Variants in ADGRB1 observed in about 807,000 individuals in gnomAD.
The protein encoded by ADGRB1 is brain-specific angiogenesis inhibitor 1.
Under a neutral mutation model 175.7 loss-of-function variants are expected in ADGRB1, and 36 were observed. The observed-to-expected ratio is 0.20, with a 90% CI of 0.16 to 0.27. The LOEUF (loss-of-function observed/expected upper bound fraction) is 0.27. ADGRB1 is among the 10% of genes least tolerant of loss of function. The pLI is 1.00. For missense variants in ADGRB1, 1,731 were observed against 2,255.3 expected (o/e 0.77, Z 4.71); for synonymous variants, 1,054 against 979.4 (o/e 1.08, Z -1.42).
Position 142,510,945 on chromosome 8 carries a change from G to A in ADGRB1, c.2689G>A (p.Ala897Thr). ...GCCCGCCCCCAGACCCTCCTCCTCC[G>A]CCCCCCCGCAGCTCGGGCCCTGGTC... ...WDETDVPSSS[A>T]PPQLGPWSWR... The change falls in exon 18 of 31, where the codon GCC becomes ACC. Residue 897 changes from alanine (A) to threonine (T), a missense_variant. Ala to Thr is a moderately conservative substitution (Grantham distance 58). This residue lies in a region of ADGRB1 where 77 missense variants were observed against 71.6 expected (regional missense o/e 1.08). Coordinates refer to ENST00000517894, the MANE Select transcript of ADGRB1 (RefSeq NM_001702.3). The surrounding 1 kb of genome is among the most constrained non-coding windows in gnomAD (Gnocchi z 6.3). The A allele has an allele frequency of 4.8e-6, 4 of 832,548 alleles. No homozygotes were observed. The highest frequency in any genetic ancestry group is 4.7e-6 in the Non-Finnish European group (3 of 631,678). The allele number at this position is 832,548 out of a possible 1,614,324, so 51.6% of individuals were successfully genotyped here. A position where few individuals can be genotyped will look rare whatever the true frequency, so the allele number is the denominator to read the frequency against.
At chr8:142,489,510 G>A (rs1269626799) in intron 16 of ADGRB1, 72 bp downstream of exon 16, 6 of 1,505,862 alleles carry the variant, frequency 4.0e-6, no homozygotes, top group Middle Eastern at 1.7e-4. Flanking sequence ...CCACTCCTCA[G>A]CCACTAAGCC....
At chr8:142,499,127 C>T (rs986826044) in intron 17 of ADGRB1, among the ~76,000 whole-genome samples, 1 of 152,266 alleles carries the variant, frequency 6.6e-6, no homozygotes, top group African/African-American at 2.4e-5. Context: ...AGGCAGGCCC[C>T]TCACTGGCAC....
chr8:142,522,250 C>A (rs975788941), intron 21 of ADGRB1, 135 bp downstream of exon 21: 5 of 1,229,782 alleles, frequency 4.1e-6, no homozygotes, highest in Non-Finnish European at 5.5e-6. Flanking sequence ...TGGGCTTCCC[C>A]CTCTGGGCCC....
chr8:142,516,469 A>ATG (rs796669183), intron 18 of ADGRB1, among the ~76,000 whole-genome samples: 1 of 63,214 alleles, frequency 1.6e-5, no homozygotes, highest in Admixed American at 2.2e-4. Context: ...CGGGCCCCAG[A>ATG]TGTGTGTGTG....
chr8:142,469,542 TATGCAC>T (rs371785400), intron 2 of ADGRB1, among the ~76,000 whole-genome samples: 109 of 149,948 alleles, frequency 7.3e-4, no homozygotes, highest in African/African-American at 2.6e-3. Context: ...AATGTGAGTG[TATGCAC>T]GTGCATGTGT....
At position 142,533,369 on chromosome 8, in the gene ADGRB1, C is replaced by A; in HGVS notation, c.3473C>A (p.Thr1158Asn). The A allele has an allele frequency of 6.2e-7, 1 of 1,606,656 alleles. No individual in the cohort carries two copies. Among genetic ancestry groups the A allele is most frequent in the South Asian group, 1.1e-5 (1 of 89,876 alleles). ...TGGATGTCGGCTGTGCTCGCCGTCA[C>A]CGACCGCCGCTCCGCCCTCTTCCAG... The part of the protein sequence containing the change: ...LTWMSAVLAV[T>N]DRRSALFQIL... The change falls in exon 25 of 31, where the codon ACC becomes AAC. Residue 1158 changes from threonine (T) to asparagine (N), a missense_variant. By Grantham distance (65) the Thr-to-Asn change is moderately conservative. Transcript: ENST00000517894.
intron 8 of ADGRB1, 60 bp from the exon 9 acceptor site, chr8:142,479,633 A>G (rs1841219092): frequency 1.4e-6 from 2 of 1,479,024 alleles, no homozygotes; most frequent in South Asian, 2.4e-5. Context: ...TGCACCTTCC[A>G]GAGCCAGCTG....
chr8:142,528,275 AC>A (rs1587419310), intron 24 of ADGRB1, among the ~76,000 whole-genome samples: 1 of 152,190 alleles, frequency 6.6e-6, no homozygotes, highest in Non-Finnish European at 1.5e-5. Context: ...CTTTGTGCAG[AC>A]GGAGGCAGGG....
At position 142,542,520 on chromosome 8, in the gene ADGRB1, C is replaced by G. The variant is rs771865427; in HGVS notation, c.4286C>G (p.Pro1429Arg). 2 of 1,475,744 alleles carry G rather than the reference C, an allele frequency of 1.4e-6. No homozygotes were observed. The highest frequency in any genetic ancestry group is 1.8e-6 in the Non-Finnish European group (2 of 1,114,046). The allele number at this position is 1,475,744 out of a possible 1,614,324, so 91.4% of individuals were successfully genotyped here. A position where few individuals can be genotyped will look rare whatever the true frequency, so the allele number is the denominator to read the frequency against. Reference protein sequence around the residue: ...PPPPQQPLPPPPNLEPAPPSL... With the variant: ...PPPPQQPLPPRPNLEPAPPSL... ...CCTCCCCAGCAGCCCCTGCCCCCACCGCCCAATCTGGAGCCGGCACCCCCC... is the reference window on the plus strand; with the variant it reads ...CCTCCCCAGCAGCCCCTGCCCCCACGGCCCAATCTGGAGCCGGCACCCCCC... The change falls in exon 28 of 31, where the codon CCG (proline) becomes CGG (arginine). Residue 1429 changes from proline (P) to arginine (R), a missense_variant. Physicochemically the swap from Pro to Arg is moderately radical, Grantham distance 103. Coordinates refer to ENST00000517894, the MANE Select transcript of ADGRB1 (RefSeq NM_001702.3). The surrounding 1 kb of genome is among the most constrained non-coding windows in gnomAD (Gnocchi z 6.3).
At chr8:142,509,124 T>C (rs1251403976) in intron 17 of ADGRB1, among the ~76,000 whole-genome samples, 10 of 152,188 alleles carry the variant, frequency 6.6e-5, no homozygotes, top group Non-Finnish European at 1.5e-4. Context: ...CCTTCTCCCC[T>C]GGGCCCGAAT....
chr8:142,467,227 G>A lies in ADGRB1; in HGVS notation c.784+2245G>A, dbSNP rs1244417026. 5.3e-5 allele frequency among the ~76,000 whole-genome samples: 8 copies of A among 152,352 alleles called. No homozygotes were observed. The East Asian group carries it at 1.4e-3, about 26-fold the overall frequency. On this transcript the variant is annotated intron_variant, in intron 2 of 30. Transcript: ENST00000517894. ...ATCCCACGTTATCTTGGGAACCCAAGGGCCTTAGCAGGGCTTTGGGCAGAA... is the reference window on the plus strand; with the variant it reads ...ATCCCACGTTATCTTGGGAACCCAAAGGCCTTAGCAGGGCTTTGGGCAGAA...
intron 5 of ADGRB1, 50 bp downstream of exon 5, chr8:142,477,328 C>CCGAGGCAGCGGACTGT (rs2131797833): frequency 6.3e-7 from 1 of 1,586,126 alleles, no homozygotes. Context: ...CAGCGGGGGG[C>CCGAGGCAGCGGACTGT]CAGGGCAGCG....
intron 23 of ADGRB1, among the ~76,000 whole-genome samples, chr8:142,525,704 C>G (rs532447376): frequency 6.6e-6 from 1 of 152,292 alleles, no homozygotes; most frequent in East Asian, 1.9e-4. Flanking sequence ...GTCTTCTGGA[C>G]GTGAAATGCC....
rs1162046266 is a variant in ADGRB1 at position 142,479,485 on chromosome 8, C to T, written c.1724C>T (p.Pro575Leu). ...CGGCAGTGCGGCACCCAGCGGTGTCCCGGTGAGGCCCCTCCTACCTGGGCT... is the reference window on the plus strand; with the variant it reads ...CGGCAGTGCGGCACCCAGCGGTGTCTCGGTGAGGCCCCTCCTACCTGGGCT... ...EYRQCGTQRC[P>L]EPHEICDEDN... The change falls in exon 8 of 31, where the codon CCC (proline) becomes CTC (leucine). Residue 575 changes from proline to leucine, a missense_variant and splice_region_variant. Pro to Leu is a moderately conservative substitution (Grantham distance 98). Coordinates refer to ENST00000517894, the MANE Select transcript of ADGRB1 (RefSeq NM_001702.3). The T allele has an allele frequency of 3.2e-6, 5 of 1,540,044 alleles. No individual in the cohort carries two copies. Among genetic ancestry groups the T allele is most frequent in the Non-Finnish European group, 4.3e-6 (5 of 1,149,844 alleles).
In ADGRB1 at chr8:142,481,234, G is replaced by T; in HGVS notation, c.1829-20G>T. ...GGCCAGGCAGCGGGCATCCACCTGA[G>T]AAGGGGATGGTCTCCCCAGGACTCA... is the stretch of plus-strand genomic sequence containing the variant. On this transcript the variant is annotated intron_variant, in intron 9 of 30. Coordinates refer to ENST00000517894, the MANE Select transcript of ADGRB1 (RefSeq NM_001702.3). The T allele has an allele frequency of 6.2e-7, 1 of 1,609,096 alleles. No homozygotes were observed. Among genetic ancestry groups the T allele is most frequent in the Non-Finnish European group, 8.5e-7 (1 of 1,175,870 alleles).
chr8:142,538,618 C>A (rs916256958), intron 26 of ADGRB1, among the ~76,000 whole-genome samples: 3 of 152,196 alleles, frequency 2.0e-5, no homozygotes, highest in African/African-American at 7.2e-5. Context: ...CCCTGGAGCC[C>A]CAGGGCCCCT....
At chr8:142,472,347 A>T (rs1840718337) in intron 2 of ADGRB1, among the ~76,000 whole-genome samples, 1 of 152,098 alleles carries the variant, frequency 6.6e-6, no homozygotes, top group Non-Finnish European at 1.5e-5. Flanking sequence ...CATCCCCTTA[A>T]TGAGATGGAA....
At chr8:142,519,002 TG>T (rs1388239271) in intron 19 of ADGRB1, among the ~76,000 whole-genome samples, 2 of 151,536 alleles carry the variant, frequency 1.3e-5, no homozygotes, top group Non-Finnish European at 2.9e-5. Flanking sequence ...ATGTGGCTGG[TG>T]GGGGAGGGTG....
intron 19 of ADGRB1, among the ~76,000 whole-genome samples, chr8:142,518,765 T>C (rs896224711): frequency 6.6e-6 from 1 of 152,052 alleles, no homozygotes; most frequent in Non-Finnish European, 1.5e-5. Context: ...GCCTGTTGAG[T>C]GTGTGGACGC....
Sources: allele counts gnomAD v4.1 joint callset (sites outside exome capture counted in the v4.1 genomes callset), GRCh38; gene constraint gnomAD v4.1.1; regional missense constraint gnomAD v4.1.1; non-coding constraint Gnocchi (gnomAD v3.1); transcripts MANE v1.5; gene names NCBI Gene and HGNC (gene_info 2026-07-23, HGNC 2026-07-21).